Variants in LRP1B observed in about 807,000 individuals in gnomAD.
The protein encoded by LRP1B is low-density lipoprotein receptor-related protein 1B.
Under a neutral mutation model 556.6 loss-of-function variants are expected in LRP1B, and 217 were observed. The observed-to-expected ratio is 0.39, with a 90% CI of 0.35 to 0.44. LRP1B has a LOEUF of 0.44. LRP1B is among the 20% of genes least tolerant of loss of function. The pLI, the probability that LRP1B is intolerant of heterozygous loss-of-function variation, is 1.00. For synonymous variants in LRP1B, 2,047 were observed against 1,865.8 expected (o/e 1.10, Z -2.50); for missense variants, 5,053 against 5,620.8 (o/e 0.90, Z 3.23).
chr2:141,209,110 T>A lies in LRP1B; in HGVS notation c.850+20073A>T, dbSNP rs186497034. On this transcript the variant is annotated intron_variant, in intron 6 of 90. Transcript: ENST00000389484. ...CAGCACTACAATAACAAGAAAGTAT[T>A]CAGTACTCAAATAAAATAAGGAAAT... Among the ~76,000 whole-genome samples, 7 of 152,106 alleles carry A rather than the reference T, an allele frequency of 4.6e-5. 1 individual carries two copies. The East Asian group carries it at 1.4e-3, about 30-fold the overall frequency.
At chr2:142,085,824 T>G (rs1235191424) in intron 1 of LRP1B, among the ~76,000 whole-genome samples, 1 of 152,152 alleles carries the variant, frequency 6.6e-6, no homozygotes, top group Non-Finnish European at 1.5e-5. Flanking sequence ...ATACTATGCA[T>G]ATATGAAAGG....
intron 49 of LRP1B, among the ~76,000 whole-genome samples, chr2:140,517,861 C>A (rs1689984070): frequency 6.6e-6 from 1 of 151,846 alleles, no homozygotes; most frequent in South Asian, 2.1e-4. Flanking sequence ...CAGGCTTGTG[C>A]CACCATGCCC....
intron 41 of LRP1B, among the ~76,000 whole-genome samples, chr2:140,626,660 G>T (rs1683670947): frequency 7.1e-6 from 1 of 140,132 alleles, no homozygotes; most frequent in Non-Finnish European, 1.5e-5. Context: ...CATTTACAAA[G>T]ATTAGCAAAT....
intron 77 of LRP1B, among the ~76,000 whole-genome samples, chr2:140,343,835 G>T (rs912543564): frequency 1.4e-4 from 21 of 151,598 alleles, no homozygotes; most frequent in Non-Finnish European, 2.7e-4. Context: ...AGAAAAAAGG[G>T]TACTTACTAT....
chr2:141,372,324 A>C (rs1055667136), intron 3 of LRP1B, among the ~76,000 whole-genome samples: 3 of 152,028 alleles, frequency 2.0e-5, no homozygotes, highest in African/African-American at 7.2e-5. Flanking sequence ...TGTTCATCGG[A>C]GATATTGGTC....
Position 141,506,940 on chromosome 2 carries a change from C to T in LRP1B, c.206-26407G>A, listed in dbSNP as rs116359584. Among the ~76,000 whole-genome samples the T allele has an allele frequency of 6.6e-3, 1,007 of 152,152 alleles. 8 individuals carry two copies. The highest frequency in any genetic ancestry group is 0.023 in the African/African-American group (972 of 41,542). Reference sequence around the variant, plus strand: ...CTATGTTCCTTGAGATCAATTCCTCCTTCCTTTTCCTCTTTTGCCAATTCT... The same window carrying T: ...CTATGTTCCTTGAGATCAATTCCTCTTTCCTTTTCCTCTTTTGCCAATTCT... On this transcript the variant is annotated intron_variant, in intron 2 of 90. Transcript: ENST00000389484.
At position 140,385,888 on chromosome 2, in the gene LRP1B, C is replaced by G. The variant is rs1295546675; in HGVS notation, c.10531+5G>C. ...TCAAAACATTATTAGGCAAGAGTTA[C>G]TTACTACAGTTTTCTTCATCTGAAT... On this transcript the variant is annotated splice_donor_5th_base_variant and intron_variant, in intron 67 of 90. Transcript: ENST00000389484. 6.3e-7 allele frequency: 1 copy of G among 1,582,684 alleles called. No homozygotes were observed. The highest frequency in any genetic ancestry group is 2.2e-5 in the East Asian group (1 of 44,658).
At chr2:140,525,032 C>G (rs1159867616) in intron 49 of LRP1B, among the ~76,000 whole-genome samples, 41 of 151,662 alleles carry the variant, frequency 2.7e-4, no homozygotes, top group Admixed American at 2.6e-3. Context: ...ATCAGACTTT[C>G]ATAGTAGATT....
At chr2:140,450,887 G>A (rs1191097264) in intron 62 of LRP1B, among the ~76,000 whole-genome samples, 1 of 152,140 alleles carries the variant, frequency 6.6e-6, no homozygotes, top group South Asian at 2.1e-4. Flanking sequence ...TGCAAACACA[G>A]ACAATCTCTC....
chr2:141,915,132 G>A (rs1699996842), intron 1 of LRP1B, among the ~76,000 whole-genome samples: 1 of 152,046 alleles, frequency 6.6e-6, no homozygotes, highest in African/African-American at 2.4e-5. Flanking sequence ...AAACAGCATG[G>A]ACTGGTACAA....
At chr2:141,305,088 A>G (rs1475753271) in intron 3 of LRP1B, among the ~76,000 whole-genome samples, 2 of 152,082 alleles carry the variant, frequency 1.3e-5, no homozygotes, top group Non-Finnish European at 2.9e-5. Context: ...GTTCTATACA[A>G]ATTTTATAAT....
In LRP1B at chr2:140,238,157, T is replaced by C. The variant is rs569590413; in HGVS notation, c.13555A>G (p.Thr4519Ala). The C allele has an allele frequency of 6.0e-4, 956 of 1,601,192 alleles. 22 individuals carry two copies. In the South Asian group the frequency reaches 0.01, roughly 17 times the overall value. Residue 4519 changes from threonine (T) to alanine (A), a missense_variant, in exon 89 of 91, where the codon ACA becomes GCA. By Grantham distance (58) the Thr-to-Ala change is moderately conservative. Around this residue, in one of 5 missense-constraint regions of LRP1B, gnomAD observed 551 missense variants for 592.0 expected, o/e 0.93. Coordinates refer to ENST00000389484, the MANE Select transcript of LRP1B (RefSeq NM_018557.3). ...ATTATCTTAAGACATACTACCTTTG[T>C]TGGGTCTATCATAAAGCCAGGATCT... ...LLDPGFMIDP[T>A]KARYIGGGPS...
At chr2:141,719,707 A>T (rs1327344680) in intron 2 of LRP1B, among the ~76,000 whole-genome samples, 2 of 152,130 alleles carry the variant, frequency 1.3e-5, no homozygotes, top group Admixed American at 1.3e-4. Context: ...AAATGAAGCC[A>T]TGTCTTTTGT....
intron 15 of LRP1B, among the ~76,000 whole-genome samples, chr2:140,994,389 A>ATGTGTGTG (rs3061707): frequency 0.043 from 6,275 of 147,116 alleles, 158 homozygotes; most frequent in African/African-American, 0.063. Context: ...GTAGGTAAGG[A>ATGTGTGTG]TGTGTGTGTG....
At position 141,254,503 on chromosome 2, in the gene LRP1B, C is replaced by G. The variant is rs139104303; in HGVS notation, c.463+19G>C. ...AGCCTCTATAAACAAAATTTGATGG[C>G]GTTATATGTTTTACTTACCTTTACA... On this transcript the variant is annotated intron_variant, in intron 4 of 90. Coordinates refer to ENST00000389484, the MANE Select transcript of LRP1B (RefSeq NM_018557.3). The G allele has an allele frequency of 6.2e-7, 1 of 1,609,614 alleles. No homozygotes were observed. Among genetic ancestry groups the G allele is most frequent in the East Asian group, 2.2e-5 (1 of 44,600 alleles).
intron 2 of LRP1B, among the ~76,000 whole-genome samples, chr2:141,583,525 T>C (rs1479762393): frequency 1.3e-5 from 2 of 151,908 alleles, no homozygotes; most frequent in East Asian, 3.9e-4. Context: ...GTTTGAAAAA[T>C]AAGACAGAAA....
chr2:140,670,551 T>C (rs1413574259), intron 41 of LRP1B, among the ~76,000 whole-genome samples: 1 of 152,152 alleles, frequency 6.6e-6, no homozygotes, highest in East Asian at 1.9e-4. Context: ...CTCTTTATAC[T>C]TTAGAAGGCT....
At chr2:141,162,648 C>T (rs1227698977) in intron 7 of LRP1B, among the ~76,000 whole-genome samples, 1 of 151,896 alleles carries the variant, frequency 6.6e-6, no homozygotes, top group Non-Finnish European at 1.5e-5. Context: ...GATATAAACA[C>T]AAAATAACTA....
intron 2 of LRP1B, among the ~76,000 whole-genome samples, chr2:141,791,885 A>T (rs184614917): frequency 6.6e-6 from 1 of 152,006 alleles, no homozygotes; most frequent in African/African-American, 2.4e-5. Flanking sequence ...TAGTCAGTAG[A>T]TCATGGCTAA....
Sources: gnomAD v4.1 joint callset for allele counts (sites outside exome capture counted in the v4.1 genomes callset) on GRCh38, gnomAD v4.1.1 for gene constraint, gnomAD v4.1.1 regional missense constraint, MANE v1.5 for transcripts, NCBI Gene and HGNC (gene_info 2026-07-23, HGNC 2026-07-21) for gene names.